TRPC6: variants seen among roughly 807,000 people sequenced by gnomAD.
TRPC6 encodes short transient receptor potential channel 6.
TRPC6 carries 55 observed loss-of-function variants against 90.7 expected under a neutral mutation model. The ratio of observed to expected loss-of-function variants is 0.61; its 90% CI spans 0.49 to 0.76. The LOEUF is 0.76. Ranked by LOEUF, TRPC6 falls within the 30% of genes least tolerant of loss-of-function variation. The probability of loss-of-function intolerance (pLI) is 0.00; values close to 1 mark genes in which losing one functional copy is unlikely to be tolerated. For missense variants in TRPC6, 989 were observed against 1,122.7 expected, an observed-to-expected ratio of 0.88 and a Z score of 1.70; for synonymous variants, 393 against 393.0, an observed-to-expected ratio of 1.00 and a Z score of 0.00.
At position 101,527,806 on chromosome 11, in the gene TRPC6, G is replaced by A. The variant is rs1430215969; in HGVS notation, c.171-23008C>T. Among the ~76,000 whole-genome samples the A allele has an allele frequency of 2.6e-5, 4 of 152,072 alleles. No individual in the cohort carries two copies. In the East Asian group the frequency reaches 5.8e-4, roughly 22 times the overall value. On this transcript the variant is annotated intron_variant, in intron 1 of 12. Coordinates refer to ENST00000344327, the MANE Select transcript of TRPC6 (RefSeq NM_004621.6). ...ATATTTTTGTCAGCCAGGCACAGTG[G>A]CTCACACCTGTAATCCCAGCACTTT...
At chr11:101,574,780 G>T (rs1198006844) in intron 1 of TRPC6, among the ~76,000 whole-genome samples, 1 of 152,094 alleles carries the variant, frequency 6.6e-6, no homozygotes, top group Non-Finnish European at 1.5e-5. Flanking sequence ...TAACAGTTTA[G>T]CTCCCTAAAA....
chr11:101,475,401 C>T (rs996390639), intron 6 of TRPC6, among the ~76,000 whole-genome samples: 1 of 152,048 alleles, frequency 6.6e-6, no homozygotes, highest in African/African-American at 2.4e-5. Flanking sequence ...TTCATCACCT[C>T]GAATATTTAC....
At position 101,452,615 on chromosome 11, in the gene TRPC6, T is replaced by C; in HGVS notation, c.*340A>G. On this transcript the variant is annotated 3_prime_UTR_variant, in exon 13 of 13. Coordinates refer to ENST00000344327, the MANE Select transcript of TRPC6 (RefSeq NM_004621.6). ...TTCAGAGGAAAAACCGCATGGGGAG[T>C]AACGTGGGTCAGCCCCTGTCCGCTG... 4.2e-6 allele frequency: 1 copy of C among 237,898 alleles called. No homozygotes were observed. Among genetic ancestry groups the C allele is most frequent in the East Asian group, 1.0e-4 (1 of 9,598 alleles). The allele number at this position is 237,898 out of a possible 1,614,324, so 14.7% of individuals were successfully genotyped here. A position where few individuals can be genotyped will look rare whatever the true frequency, so the allele number is the denominator to read the frequency against.
At chr11:101,526,013 A>C (rs552741520) in intron 1 of TRPC6, among the ~76,000 whole-genome samples, 12 of 152,340 alleles carry the variant, frequency 7.9e-5, no homozygotes, top group African/African-American at 2.6e-4. Flanking sequence ...CCCTCATTGC[A>C]GAGTGCTTAT....
intron 1 of TRPC6, among the ~76,000 whole-genome samples, chr11:101,545,316 T>A (rs1591125486): frequency 6.6e-6 from 1 of 152,308 alleles, no homozygotes; most frequent in East Asian, 1.9e-4. Context: ...ATAGAGATTA[T>A]TTATAGTATA....
chr11:101,494,994 G>T lies in TRPC6; in HGVS notation c.946-3256C>A, dbSNP rs139502749. ...GTGAACTCACTCAAATAAAATGTTG[G>T]TGGTAGCTCATTAGCCAGAATGCAG... On this transcript the variant is annotated intron_variant, in intron 2 of 12. Transcript: ENST00000344327. Among the ~76,000 whole-genome samples, 1,461 of 152,200 alleles carry T rather than the reference G, an allele frequency of 9.6e-3. 35 individuals are homozygous for T. The highest frequency in any genetic ancestry group is 0.034 in the African/African-American group (1,393 of 41,524).
rs78281008 is a variant in TRPC6, at chr11:101,540,881, G to A, written c.171-36083C>T. Among the ~76,000 whole-genome samples the A allele has an allele frequency of 2.7e-3, 404 of 152,198 alleles. 2 individuals are homozygous for A. Among genetic ancestry groups the A allele is most frequent in the African/African-American group, 9.5e-3 (394 of 41,550 alleles). On this transcript the variant is annotated intron_variant, in intron 1 of 12. Coordinates refer to ENST00000344327, the MANE Select transcript of TRPC6 (RefSeq NM_004621.6). ...GAGGAGATAAAGGCACGCAGGAATC[G>A]TGAGGATTAAATATAACCTACACAA...
chr11:101,583,672 C>G lies in TRPC6; in HGVS notation c.-169G>C, dbSNP rs867646602. The G allele has an allele frequency of 2.2e-5, 14 of 643,044 alleles. No individual in the cohort carries two copies. The Middle Eastern group carries it at 2.2e-3, about 103-fold the overall frequency. 39.8% of individuals were successfully genotyped at this position (643,044 alleles called of 1,614,324 possible). The stretch of plus-strand genomic sequence containing the variant: ...GGGTGCAGACGCCCGCCGCAAGTGG[C>G]TCGCCCACTGGCCCGGGGAAAAGTC... On this transcript the variant is annotated 5_prime_UTR_variant, in exon 1 of 13. Coordinates refer to ENST00000344327, the MANE Select transcript of TRPC6 (RefSeq NM_004621.6).
chr11:101,557,773 C>T (rs1455104505), intron 1 of TRPC6, among the ~76,000 whole-genome samples: 3 of 151,960 alleles, frequency 2.0e-5, no homozygotes, highest in Non-Finnish European at 2.9e-5. Flanking sequence ...ACAATCTCTA[C>T]AAAAAGGGTA....
chr11:101,536,159 G>T (rs1269311934), intron 1 of TRPC6, among the ~76,000 whole-genome samples: 2 of 152,178 alleles, frequency 1.3e-5, no homozygotes, highest in Non-Finnish European at 2.9e-5. Context: ...GGCCAAGATG[G>T]GCGGATCATC....
chr11:101,470,097 G>C (rs947643285), intron 9 of TRPC6, among the ~76,000 whole-genome samples: 1 of 152,144 alleles, frequency 6.6e-6, no homozygotes, highest in African/African-American at 2.4e-5. Flanking sequence ...TGCCCACTCA[G>C]TGTAAGAAGG....
intron 1 of TRPC6, among the ~76,000 whole-genome samples, chr11:101,531,348 T>C (rs4254048): frequency 0.24 from 37,034 of 152,136 alleles, 5,335 homozygotes; most frequent in Non-Finnish European, 0.33. Context: ...TAACTTTGTC[T>C]TGGTAGCATA....
intron 1 of TRPC6, among the ~76,000 whole-genome samples, chr11:101,563,399 T>C (rs1388192397): frequency 6.6e-6 from 1 of 152,172 alleles, no homozygotes; most frequent in Non-Finnish European, 1.5e-5. Flanking sequence ...TGTCTGTCTT[T>C]TCCCATGTGT....
Position 101,472,138 on chromosome 11 carries a change from T to G in TRPC6, c.2204A>C (p.Glu735Ala). 1 of 1,611,006 alleles carries G rather than the reference T, an allele frequency of 6.2e-7. No homozygotes were observed. The highest frequency in any genetic ancestry group is 8.5e-7 in the Non-Finnish European group (1 of 1,179,084). ...TATAAAAATGTATTGAGATTATACC[T>G]CAATTTCCTGGAATGAACTGTTGAT... Reference protein sequence around the residue: ...AMINSSFQEIEDDADVEWKFA... With the variant: ...AMINSSFQEIADDADVEWKFA... Residue 735 changes from glutamate (E) to alanine (A), a missense_variant and splice_region_variant, in exon 8 of 13, where the codon GAG (glutamate) becomes GCG (alanine). Around this residue, in one of 4 missense-constraint regions of TRPC6, gnomAD observed 118 missense variants for 197.6 expected, o/e 0.60. Transcript: ENST00000344327.
At chr11:101,498,493 AAC>A (rs1591088255) in intron 2 of TRPC6, among the ~76,000 whole-genome samples, 1 of 152,114 alleles carries the variant, frequency 6.6e-6, no homozygotes, top group African/African-American at 2.4e-5. Flanking sequence ...TGATATGAGT[AAC>A]AAAACACTTA....
chr11:101,570,010 T>TA (rs1861923446), intron 1 of TRPC6, among the ~76,000 whole-genome samples: 1 of 151,118 alleles, frequency 6.6e-6, no homozygotes, highest in African/African-American at 2.4e-5. Flanking sequence ...AGACAAGAAA[T>TA]AAGTAAGATC....
intron 10 of TRPC6, 125 bp from the exon 11 acceptor site, chr11:101,455,226 T>C: frequency 2.7e-6 from 2 of 749,866 alleles, no homozygotes; most frequent in Non-Finnish European, 4.5e-6. Context: ...TATAGTGCCA[T>C]TTATCTTGCT....
chr11:101,534,749 T>C (rs1028559780), intron 1 of TRPC6, among the ~76,000 whole-genome samples: 1 of 152,228 alleles, frequency 6.6e-6, no homozygotes, highest in Non-Finnish European at 1.5e-5. Context: ...ACTTCATAGC[T>C]GAGTGAAGTT....
At chr11:101,541,200 G>A (rs976191932) in intron 1 of TRPC6, among the ~76,000 whole-genome samples, 22 of 152,202 alleles carry the variant, frequency 1.4e-4, no homozygotes, top group Admixed American at 1.2e-3. Flanking sequence ...ATAGATAAAA[G>A]CCAGTCTTTT....
Sources: allele counts gnomAD v4.1 joint callset (sites outside exome capture counted in the v4.1 genomes callset), GRCh38; gene constraint gnomAD v4.1.1; regional missense constraint gnomAD v4.1.1; transcripts MANE v1.5; gene names NCBI Gene and HGNC (gene_info 2026-07-23, HGNC 2026-07-21).